Variants in SPTBN1 observed in about 807,000 individuals in gnomAD.
SPTBN1 encodes spectrin beta, non-erythrocytic 1.
A neutral mutation model predicts 266.4 loss-of-function variants in SPTBN1; 32 were observed. The ratio of observed to expected loss-of-function variants is 0.12; its 90% CI spans 0.09 to 0.16. The LOEUF (loss-of-function observed/expected upper bound fraction) is 0.16, where lower values mean the gene tolerates loss of function less well. SPTBN1 is among the 10% of genes least tolerant of loss of function. The pLI, the probability that SPTBN1 is intolerant of heterozygous loss-of-function variation, is 1.00. For missense variants in SPTBN1, 2,296 were observed against 3,067.1 expected (o/e 0.75, Z 5.94); for synonymous variants, 1,336 against 1,162.2 (o/e 1.15, Z -3.04).
At chr2:54,487,535 T>C (rs1668464008) in intron 1 of SPTBN1, among the ~76,000 whole-genome samples, 1 of 152,200 alleles carries the variant, frequency 6.6e-6, no homozygotes, top group South Asian at 2.1e-4. Flanking sequence ...ATTTTCAGCC[T>C]AGGTACAATT....
intron 18 of SPTBN1, among the ~76,000 whole-genome samples, chr2:54,638,965 G>A (rs142267640): frequency 5.9e-5 from 9 of 152,216 alleles, no homozygotes; most frequent in Admixed American, 2.6e-4. Context: ...TGTAAATCTT[G>A]TAATATGCTC....
intron 9 of SPTBN1, among the ~76,000 whole-genome samples, 174 bp downstream of exon 9, chr2:54,622,661 C>A (rs969447965): frequency 4.6e-5 from 7 of 152,300 alleles, no homozygotes; most frequent in Admixed American, 3.9e-4. Flanking sequence ...AGATCATGCT[C>A]TCTCTGAGCC....
Position 54,558,589 on chromosome 2 carries a change from C to T in SPTBN1, c.148+32023C>T, listed in dbSNP as rs900757617. 60 of 1,377,338 alleles carry T rather than the reference C, an allele frequency of 4.4e-5. No homozygotes were observed. Among genetic ancestry groups the T allele is most frequent in the Non-Finnish European group, 5.4e-5 (57 of 1,062,576 alleles). The allele number at this position is 1,377,338 out of a possible 1,614,324, so 85.3% of individuals were successfully genotyped here. A position where few individuals can be genotyped will look rare whatever the true frequency, so the allele number is the denominator to read the frequency against. ...GAAATTAGATGCCTGTGTGGTAACT[C>T]CTCGCGGAGCTAAGGTGGACTCTCT... On this transcript the variant is annotated intron_variant, in intron 2 of 35. Coordinates refer to ENST00000356805, the MANE Select transcript of SPTBN1 (RefSeq NM_003128.3). The surrounding 1 kb of genome is among the most constrained non-coding windows in gnomAD (Gnocchi z 4.6).
At chr2:54,563,966 A>C (rs970448816) in intron 2 of SPTBN1, among the ~76,000 whole-genome samples, 15 of 152,244 alleles carry the variant, frequency 9.9e-5, no homozygotes, top group Non-Finnish European at 1.6e-4. Context: ...AGCTTTCCAG[A>C]ATTCAGGTTT....
intron 1 of SPTBN1, among the ~76,000 whole-genome samples, chr2:54,490,503 A>G (rs1668630967): frequency 6.6e-6 from 1 of 152,244 alleles, no homozygotes; most frequent in Non-Finnish European, 1.5e-5. Flanking sequence ...ACAATCTTGA[A>G]ATCACTGAAA....
At chr2:54,487,065 T>C (rs530882966) in intron 1 of SPTBN1, among the ~76,000 whole-genome samples, 1 of 152,160 alleles carries the variant, frequency 6.6e-6, no homozygotes, top group Non-Finnish European at 1.5e-5. Flanking sequence ...TAACCATCAA[T>C]TCTGAATCTG....
chr2:54,539,188 C>G (rs188663441), intron 2 of SPTBN1, among the ~76,000 whole-genome samples: 66 of 152,284 alleles, frequency 4.3e-4, no homozygotes, highest in Non-Finnish European at 7.6e-4. Flanking sequence ...TTTCCACATT[C>G]CCTACAAGCA....
At chr2:54,539,053 GCTATTCTGTACC>G (rs1671783202) in intron 2 of SPTBN1, among the ~76,000 whole-genome samples, 1 of 152,154 alleles carries the variant, frequency 6.6e-6, no homozygotes, top group African/African-American at 2.4e-5. Flanking sequence ...CTTGGCCCTT[GCTATTCTGTACC>G]CCATGTTCTC....
intron 2 of SPTBN1, among the ~76,000 whole-genome samples, chr2:54,560,293 A>T: frequency 6.6e-6 from 1 of 151,806 alleles, no homozygotes; most frequent in Non-Finnish European, 1.5e-5. Flanking sequence ...TCCCAGCTTC[A>T]TTGTGTCATC....
intron 3 of SPTBN1, among the ~76,000 whole-genome samples, chr2:54,600,222 A>G (rs974309948): frequency 6.6e-5 from 10 of 152,168 alleles, no homozygotes; most frequent in African/African-American, 2.4e-4. Flanking sequence ...CCTATTTGTT[A>G]TCAGCTCAGA....
At chr2:54,578,193 A>G (rs938548394) in intron 2 of SPTBN1, among the ~76,000 whole-genome samples, 1 of 152,246 alleles carries the variant, frequency 6.6e-6, no homozygotes, top group African/African-American at 2.4e-5. Flanking sequence ...TTAAAAGTAC[A>G]GTGTTCACTG....
intron 2 of SPTBN1, among the ~76,000 whole-genome samples, chr2:54,588,122 G>A (rs2104608962): frequency 6.6e-6 from 1 of 152,184 alleles, no homozygotes; most frequent in South Asian, 2.1e-4. Context: ...TTCTATAAAG[G>A]ACCAGATAAT....
At chr2:54,503,151 A>G (rs1669360588) in intron 1 of SPTBN1, among the ~76,000 whole-genome samples, 1 of 152,192 alleles carries the variant, frequency 6.6e-6, no homozygotes, top group South Asian at 2.1e-4. Flanking sequence ...ATTTTTGGTC[A>G]TCCATTCTCA....
At chr2:54,574,992 A>G (rs371526154) in intron 2 of SPTBN1, among the ~76,000 whole-genome samples, 7 of 152,336 alleles carry the variant, frequency 4.6e-5, no homozygotes, top group South Asian at 4.1e-4. Context: ...TGGCAGCCTC[A>G]TTTAGCCAGC....
chr2:54,526,637 C>G (rs1670832585), intron 2 of SPTBN1, 71 bp downstream of exon 2: 2 of 1,525,696 alleles, frequency 1.3e-6, no homozygotes, highest in Admixed American at 2.0e-5. Flanking sequence ...ATCATCCACC[C>G]TGTTCCCATG....
intron 2 of SPTBN1, among the ~76,000 whole-genome samples, chr2:54,532,963 T>C (rs574250399): frequency 6.6e-6 from 1 of 152,330 alleles, no homozygotes; most frequent in South Asian, 2.1e-4. Context: ...TTATAGGATT[T>C]TTTTTTCTTT....
intron 17 of SPTBN1, among the ~76,000 whole-genome samples, chr2:54,636,608 G>T (rs1679160771): frequency 1.3e-5 from 2 of 152,216 alleles, no homozygotes; most frequent in African/African-American, 4.8e-5. Flanking sequence ...TCACCAAGCT[G>T]CTCTTACTCA....
At chr2:54,469,119 C>G (rs1361924383) in intron 1 of SPTBN1, among the ~76,000 whole-genome samples, 4 of 152,102 alleles carry the variant, frequency 2.6e-5, no homozygotes, top group Admixed American at 6.5e-5. Flanking sequence ...GTTCTTTAAG[C>G]CTTTAGGACA....
chr2:54,568,271 C>G (rs1673804592), intron 2 of SPTBN1, among the ~76,000 whole-genome samples: 1 of 149,298 alleles, frequency 6.7e-6, no homozygotes, highest in African/African-American at 2.5e-5. Flanking sequence ...ATCCCAGCTA[C>G]TCTGGGAGGC....
Sources: gnomAD v4.1 joint callset for allele counts (sites outside exome capture counted in the v4.1 genomes callset) on GRCh38, gnomAD v4.1.1 for gene constraint, Gnocchi (gnomAD v3.1) non-coding constraint, MANE v1.5 for transcripts, NCBI Gene and HGNC (gene_info 2026-07-23, HGNC 2026-07-21) for gene names.